Variants in IPO5 observed in about 807,000 individuals in gnomAD.
IPO5 encodes importin 5.
IPO5 carries 18 observed loss-of-function variants against 143.3 expected under a neutral mutation model. The observed-to-expected ratio is 0.13, with a 90% CI of 0.09 to 0.19. The LOEUF (loss-of-function observed/expected upper bound fraction) is 0.19. Among genes scored for constraint, IPO5 ranks in the 10% least tolerant of loss-of-function variants. The probability of loss-of-function intolerance (pLI) is 1.00; values close to 1 mark genes in which losing one functional copy is unlikely to be tolerated. For missense variants in IPO5, 1,013 were observed against 1,336.9 expected (o/e 0.76, Z 3.78); for synonymous variants, 477 against 465.7 (o/e 1.02, Z -0.31).
intron 24 of IPO5, 137 bp downstream of exon 24, chr13:98,015,918 C>T (rs1432948581): frequency 5.0e-6 from 3 of 596,216 alleles, no homozygotes; most frequent in Non-Finnish European, 8.9e-6. Context: ...GATATATTTC[C>T]TCTCTTAATT....
chr13:97,966,431 A>T (rs1475969793), intron 2 of IPO5, among the ~76,000 whole-genome samples: 1 of 152,146 alleles, frequency 6.6e-6, no homozygotes, highest in Non-Finnish European at 1.5e-5. Context: ...TATTACATTG[A>T]TTTTCATATG....
At chr13:98,006,104 G>A (rs633161) in intron 16 of IPO5, 26 bp from the exon 17 acceptor site, 842,121 of 1,467,068 alleles carry the variant, frequency 0.57, 246,574 homozygotes, top group African/African-American at 0.86. Context: ...TTTCCTTTGA[G>A]GTAATAATTT....
At chr13:97,960,860 A>G (rs1363901046) in intron 2 of IPO5, among the ~76,000 whole-genome samples, 2 of 152,090 alleles carry the variant, frequency 1.3e-5, no homozygotes, top group East Asian at 1.9e-4. Context: ...CACCCAGCCT[A>G]AAGTTCAACC....
At chr13:98,013,921 A>T in intron 21 of IPO5, 121 bp from the exon 22 acceptor site, 1 of 749,294 alleles carries the variant, frequency 1.3e-6, no homozygotes, top group Non-Finnish European at 2.2e-6. Flanking sequence ...TTTATATTTA[A>T]CACAAGCTCT....
At chr13:97,989,029 C>A (rs762249116) in intron 6 of IPO5, 33 bp from the exon 7 acceptor site, 15 of 1,305,788 alleles carry the variant, frequency 1.1e-5, no homozygotes, top group Non-Finnish European at 1.7e-5. Context: ...TTCTGACTTA[C>A]ACAACTTTAT....
At chr13:98,003,651 A>G (rs1888977706) in intron 16 of IPO5, among the ~76,000 whole-genome samples, 1 of 152,120 alleles carries the variant, frequency 6.6e-6, no homozygotes, top group African/African-American at 2.4e-5. Context: ...GGAGTTCGAG[A>G]CCAGCCTGGC....
chr13:98,024,166 T>C lies in IPO5; in HGVS notation c.*2344T>C, dbSNP rs1890645518. On this transcript the variant is annotated 3_prime_UTR_variant, in exon 29 of 29. Coordinates refer to ENST00000651721, the MANE Select transcript of IPO5 (RefSeq NM_002271.6). Reference sequence around the variant, plus strand: ...TTTGGAGTATTTTTTAAATGCTGTATCTTTAAAGAAAAGTAAAATTGTCTT... The same window carrying C: ...TTTGGAGTATTTTTTAAATGCTGTACCTTTAAAGAAAAGTAAAATTGTCTT... 1 of 152,204 alleles carries C rather than the reference T, an allele frequency of 6.6e-6. No homozygotes were observed. 9.4% of individuals were successfully genotyped at this position (152,204 alleles called of 1,614,324 possible).
rs1234384302 is a variant in IPO5 at position 97,969,175 on chromosome 13, A to ATATATAT, written c.-112-547_-112-546insATATATT. On this transcript the variant is annotated intron_variant, in intron 2 of 28. Transcript: ENST00000651721. The stretch of plus-strand genomic sequence containing the variant: ...TAAGTATATATATATATATATATAT[A>ATATATAT]TTTTTTTTTTTTTTTTTTTTTTTTG... Among the ~76,000 whole-genome samples, 32 of 43,908 alleles carry ATATATAT rather than the reference A, an allele frequency of 7.3e-4. 1 individual carries two copies. Among genetic ancestry groups the ATATATAT allele is most frequent in the African/African-American group, 2.8e-3 (26 of 9,446 alleles). The allele number at this position is 43,908 out of a possible 152,430, so 28.8% of individuals were successfully genotyped here. A position where few individuals can be genotyped will look rare whatever the true frequency, so the allele number is the denominator to read the frequency against.
chr13:97,957,364 A>AT (rs908740837), intron 2 of IPO5, among the ~76,000 whole-genome samples: 277 of 148,676 alleles, frequency 1.9e-3, no homozygotes, highest in Middle Eastern at 3.4e-3. Context: ...TACCTGGCTA[A>AT]TTTTTTTTTT....
At chr13:97,966,400 T>A (rs1430882127) in intron 2 of IPO5, among the ~76,000 whole-genome samples, 2 of 152,176 alleles carry the variant, frequency 1.3e-5, no homozygotes, top group Non-Finnish European at 2.9e-5. Context: ...CATATAGTTT[T>A]TACGCTTTAT....
rs1886369076 is a variant in IPO5 at position 97,976,693 on chromosome 13, C to A, written c.-4C>A. 1.5e-6 allele frequency: 2 copies of A among 1,371,144 alleles called. No homozygotes were observed. The highest frequency in any genetic ancestry group is 4.0e-5 in the East Asian group (1 of 24,790). 84.9% of individuals were successfully genotyped at this position (1,371,144 alleles called of 1,614,324 possible). ...CTCCCTCCTTCTCTCTCACGCCTAG[C>A]GCAATGGCGGCGGCCGCGGCGGAGC... is the stretch of plus-strand genomic sequence containing the variant. On this transcript the variant is annotated splice_region_variant and 5_prime_UTR_variant, in exon 4 of 29. Coordinates refer to ENST00000651721, the MANE Select transcript of IPO5 (RefSeq NM_002271.6).
intron 3 of IPO5, among the ~76,000 whole-genome samples, chr13:97,974,918 T>C (rs1165085749): frequency 6.6e-6 from 1 of 152,046 alleles, no homozygotes; most frequent in African/African-American, 2.4e-5. Flanking sequence ...TAGAAAAAAA[T>C]CTTGGCTGGC....
chr13:97,961,705 A>T (rs1884897297), intron 2 of IPO5, among the ~76,000 whole-genome samples: 1 of 152,108 alleles, frequency 6.6e-6, no homozygotes. Flanking sequence ...TCATGTGCTT[A>T]TTGGCCATTT....
chr13:98,021,650 A>G (rs545918182), intron 28 of IPO5, 86 bp from the exon 29 acceptor site: 23 of 673,428 alleles, frequency 3.4e-5, no homozygotes, highest in Non-Finnish European at 5.5e-5. Context: ...GTATTTTGCC[A>G]TGATTACAGT....
Position 98,016,759 on chromosome 13 carries a change from G to C in IPO5, c.2524G>C (p.Val842Leu). 6.6e-7 allele frequency: 1 copy of C among 1,505,366 alleles called. No homozygotes were observed. The allele number at this position is 1,505,366 out of a possible 1,614,324, so 93.3% of individuals were successfully genotyped here. ...DDNDVYILTK[V>L]SDILHSIFSS... ...TAATGATGTTTATATTCTGACCAAA[G>C]TGTCAGATATTTTACACTCAATATT... The change falls in exon 25 of 29, where the codon GTG (valine) becomes CTG (leucine). Residue 842 changes from valine to leucine, a missense_variant. Val to Leu is a conservative substitution (Grantham distance 32). This residue lies in a region of IPO5 where 685 missense variants were observed against 994.9 expected (regional missense o/e 0.69). Coordinates refer to ENST00000651721, the MANE Select transcript of IPO5 (RefSeq NM_002271.6).
chr13:98,002,858 T>C lies in IPO5; in HGVS notation c.1324-6T>C, dbSNP rs1218600714. 6.2e-7 allele frequency: 1 copy of C among 1,608,668 alleles called. No individual in the cohort carries two copies. The highest frequency in any genetic ancestry group is 1.1e-5 in the South Asian group (1 of 90,240). On this transcript the variant is annotated splice_region_variant and splice_polypyrimidine_tract_variant and intron_variant, in intron 15 of 28. Coordinates refer to ENST00000651721, the MANE Select transcript of IPO5 (RefSeq NM_002271.6). ...ACATGTGTGCCCATTTGGTTTCATT[T>C]CACAGGTGATTGCAGCTCTGCTGCA... is the stretch of plus-strand genomic sequence containing the variant.
chr13:97,978,195 G>A (rs1004343284), intron 4 of IPO5, among the ~76,000 whole-genome samples: 1 of 152,110 alleles, frequency 6.6e-6, no homozygotes, highest in Non-Finnish European at 1.5e-5. Context: ...AAAGGTGACC[G>A]CTTGTGTCGT....
At chr13:97,978,144 G>A (rs1886539886) in intron 4 of IPO5, among the ~76,000 whole-genome samples, 1 of 152,112 alleles carries the variant, frequency 6.6e-6, no homozygotes, top group South Asian at 2.1e-4. Context: ...CATGTTCAGG[G>A]TAAAAATTCA....
intron 12 of IPO5, 123 bp from the exon 13 acceptor site, chr13:98,000,416 G>A: frequency 1.6e-6 from 1 of 630,258 alleles, no homozygotes. Flanking sequence ...CACATTTAAA[G>A]ACAGCTTGAA....
Sources: allele counts gnomAD v4.1 joint callset (sites outside exome capture counted in the v4.1 genomes callset), GRCh38; gene constraint gnomAD v4.1.1; regional missense constraint gnomAD v4.1.1; transcripts MANE v1.5; gene names NCBI Gene and HGNC (gene_info 2026-07-23, HGNC 2026-07-21).